The following RABGAP1L variants were observed in gnomAD, a reference collection of about 807,000 sequenced individuals.
RABGAP1L encodes the protein RAB GTPase activating protein 1 like.
Under a neutral mutation model 137.7 loss-of-function variants are expected in RABGAP1L, and 63 were observed. The observed-to-expected ratio is 0.46, with a 90% CI of 0.37 to 0.56. The LOEUF (loss-of-function observed/expected upper bound fraction) is 0.56, where lower values mean the gene tolerates loss of function less well. Ranked by LOEUF, RABGAP1L falls within the 20% of genes least tolerant of loss-of-function variation. RABGAP1L has a pLI of 0.00. For synonymous variants in RABGAP1L, 431 were observed against 433.7 expected (o/e 0.99, Z 0.08); for missense variants, 1,095 against 1,244.0 (o/e 0.88, Z 1.80).
In RABGAP1L at chr1:174,987,958, T is replaced by C. The variant is rs375844195; in HGVS notation, c.2806-683T>C. ...CCGAGTAGCTGGGACTATAGGCGTG[T>C]GCCACCATGCCTGGCTAATTTTTTG... is the stretch of plus-strand genomic sequence containing the variant. On this transcript the variant is annotated intron_variant, in intron 24 of 25. Transcript: ENST00000681986. 2.6e-4 allele frequency among the ~76,000 whole-genome samples: 39 copies of C among 152,202 alleles called. 1 individual carries two copies. In the South Asian group the frequency reaches 7.5e-3, roughly 29 times the overall value.
intron 13 of RABGAP1L, among the ~76,000 whole-genome samples, chr1:174,632,603 T>G (rs1673512427): frequency 6.7e-6 from 1 of 149,906 alleles, no homozygotes; most frequent in Non-Finnish European, 1.5e-5. Context: ...TTTTTATTCT[T>G]TTTTCTCTAA....
chr1:174,523,538 A>T (rs919132687), intron 13 of RABGAP1L, among the ~76,000 whole-genome samples: 4 of 152,216 alleles, frequency 2.6e-5, no homozygotes, highest in Admixed American at 2.6e-4. Flanking sequence ...TATGGGGTAC[A>T]TGTAAGTATT....
chr1:174,287,681 C>T (rs1181817081), intron 10 of RABGAP1L, among the ~76,000 whole-genome samples: 1 of 152,010 alleles, frequency 6.6e-6, no homozygotes, highest in East Asian at 1.9e-4. Context: ...TTATTACAGA[C>T]AGGGTTTCAC....
intron 12 of RABGAP1L, among the ~76,000 whole-genome samples, chr1:174,387,900 G>A (rs1686929365): frequency 6.6e-6 from 1 of 151,138 alleles, no homozygotes; most frequent in Admixed American, 6.6e-5. Context: ...TTTTTATTTG[G>A]GCCATTATTA....
At chr1:174,308,222 A>G (rs1313279482) in intron 11 of RABGAP1L, among the ~76,000 whole-genome samples, 2 of 151,984 alleles carry the variant, frequency 1.3e-5, no homozygotes, top group Non-Finnish European at 2.9e-5. Flanking sequence ...GTATGTGTAT[A>G]TGTATACAGG....
In RABGAP1L at chr1:174,463,958, AC is replaced by A. The variant is rs1361478352; in HGVS notation, c.1710+69814del. ...AGAATAATTTATTTTCTAAGCTTAT[AC>A]TACATATTGGATTACAAATTTTTTA... On this transcript the variant is annotated intron_variant, in intron 13 of 25. Coordinates refer to ENST00000681986, the MANE Select transcript of RABGAP1L (RefSeq NM_001366446.1). 5.9e-5 allele frequency among the ~76,000 whole-genome samples: 9 copies of A among 152,310 alleles called. No homozygotes were observed. In the South Asian group the frequency reaches 1.7e-3, roughly 28 times the overall value.
chr1:174,240,283 G>A (rs957859138), intron 4 of RABGAP1L, among the ~76,000 whole-genome samples: 12 of 152,144 alleles, frequency 7.9e-5, no homozygotes, highest in African/African-American at 2.9e-4. Flanking sequence ...GTTTCACTCT[G>A]TTCCCCAGGC....
chr1:174,962,273 C>G (rs1160272055), intron 20 of RABGAP1L, among the ~76,000 whole-genome samples: 2 of 140,824 alleles, frequency 1.4e-5, no homozygotes, highest in African/African-American at 5.4e-5. Context: ...GTTACCTGTT[C>G]TAGATGGGAA....
chr1:174,242,290 A>C (rs956100399), intron 5 of RABGAP1L, among the ~76,000 whole-genome samples: 16 of 152,236 alleles, frequency 1.1e-4, no homozygotes, highest in African/African-American at 3.6e-4. Flanking sequence ...AATGGTTTAG[A>C]TTAAATGCAG....
chr1:174,732,937 T>G (rs989314274), intron 17 of RABGAP1L, among the ~76,000 whole-genome samples: 1 of 152,172 alleles, frequency 6.6e-6, no homozygotes, highest in East Asian at 1.9e-4. Flanking sequence ...GGGCATATAG[T>G]GCTTAACTGT....
In RABGAP1L at chr1:174,978,844, A is replaced by G; in HGVS notation, c.2687A>G (p.Glu896Gly). 1 of 1,545,924 alleles carries G rather than the reference A, an allele frequency of 6.5e-7. No individual in the cohort carries two copies. The highest frequency in any genetic ancestry group is 1.2e-5 in the South Asian group (1 of 82,896). The stretch of plus-strand genomic sequence containing the variant: ...TTCAGGAAACAGCTAGAGAAGGCAG[A>G]ATATGAAATAAAGAAGACTACAGCT... ...EVFRKQLEKAEYEIKKTTAII... is the reference protein window; with the variant it reads ...EVFRKQLEKAGYEIKKTTAII... Residue 896 changes from glutamate to glycine, a missense_variant, in exon 23 of 26, where the codon GAA (glutamate) becomes GGA (glycine). By Grantham distance (98) the Glu-to-Gly change is moderately conservative (BLOSUM62 -2). Transcript: ENST00000681986.
chr1:174,171,946 A>G (rs956875199), intron 1 of RABGAP1L, among the ~76,000 whole-genome samples: 9 of 152,174 alleles, frequency 5.9e-5, no homozygotes, highest in Non-Finnish European at 8.8e-5. Context: ...GGTTGCAGTG[A>G]GCTGAGATTA....
chr1:174,748,670 A>G (rs78598640), intron 17 of RABGAP1L, among the ~76,000 whole-genome samples: 2,229 of 152,108 alleles, frequency 0.015, 26 homozygotes, highest in Middle Eastern at 0.044. Context: ...CAGGAGTTCA[A>G]GAATAGCTTG....
intron 13 of RABGAP1L, among the ~76,000 whole-genome samples, chr1:174,564,835 A>G (rs1337976653): frequency 3.9e-5 from 6 of 152,192 alleles, no homozygotes; most frequent in Non-Finnish European, 8.8e-5. Flanking sequence ...AAATTGTTTT[A>G]AAAGTAGTAT....
At chr1:174,281,314 G>C (rs1340588586) in intron 10 of RABGAP1L, among the ~76,000 whole-genome samples, 1 of 152,140 alleles carries the variant, frequency 6.6e-6, no homozygotes, top group Non-Finnish European at 1.5e-5. Flanking sequence ...AGCGCTGATT[G>C]GTCCATTTTA....
intron 19 of RABGAP1L, among the ~76,000 whole-genome samples, chr1:174,925,859 G>GTTTTTTTTTGTTTTTTT (rs1662703046): frequency 7.8e-6 from 1 of 128,854 alleles, no homozygotes; most frequent in Non-Finnish European, 1.7e-5. Flanking sequence ...TTTGTTGTTG[G>GTTTTTTTTTGTTTTTTT]TTTTTTTTTT....
chr1:174,231,109 A>G, intron 3 of RABGAP1L, 36 bp from the exon 4 acceptor site: 2 of 1,483,326 alleles, frequency 1.3e-6, no homozygotes, highest in South Asian at 2.3e-5. Flanking sequence ...GGAGTTTTGC[A>G]ATGACTTTTG....
intron 13 of RABGAP1L, among the ~76,000 whole-genome samples, chr1:174,605,792 T>C (rs761640710): frequency 1.3e-5 from 2 of 152,246 alleles, no homozygotes; most frequent in African/African-American, 2.4e-5. Context: ...CAAATTGATA[T>C]GGATGGACTG....
intron 13 of RABGAP1L, among the ~76,000 whole-genome samples, chr1:174,402,235 T>C (rs946533925): frequency 6.6e-6 from 1 of 152,102 alleles, no homozygotes. Context: ...GTAGAATCCG[T>C]GAACTCAAAA....
Sources: gnomAD v4.1 joint callset for allele counts (sites outside exome capture counted in the v4.1 genomes callset) on GRCh38, gnomAD v4.1.1 for gene constraint, MANE v1.5 for transcripts, NCBI Gene and HGNC (gene_info 2026-07-23, HGNC 2026-07-21) for gene names.